Variants in PRKN observed in about 807,000 individuals in gnomAD.
PRKN encodes E3 ubiquitin-protein ligase parkin.
Under a neutral mutation model 59.5 loss-of-function variants are expected in PRKN, and 56 were observed. The observed-to-expected ratio is 0.94, with a 90% CI of 0.76 to 1.18. PRKN has a LOEUF of 1.18. Ranked by LOEUF, PRKN falls within the 50% of genes most tolerant of loss-of-function variation. The pLI, the probability that PRKN is intolerant of heterozygous loss-of-function variation, is 0.00. For missense variants in PRKN, 657 were observed against 596.4 expected (o/e 1.10, Z -1.06); for synonymous variants, 250 against 222.1 (o/e 1.13, Z -1.12).
chr6:161,846,091 G>A (rs1266918060), intron 6 of PRKN, among the ~76,000 whole-genome samples: 2 of 152,142 alleles, frequency 1.3e-5, no homozygotes, highest in African/African-American at 2.4e-5. Flanking sequence ...CTCCAAGGCT[G>A]TTATGCTGAG....
intron 2 of PRKN, among the ~76,000 whole-genome samples, chr6:162,410,030 T>C (rs1011783913): frequency 6.6e-6 from 1 of 152,116 alleles, no homozygotes; most frequent in South Asian, 2.1e-4. Flanking sequence ...GCTAACAAAA[T>C]AACATTATCA....
chr6:162,468,803 C>T (rs1232662721), intron 1 of PRKN, among the ~76,000 whole-genome samples: 5 of 152,166 alleles, frequency 3.3e-5, no homozygotes, highest in African/African-American at 1.2e-4. Flanking sequence ...CAGATCTCTG[C>T]CCTGTACCAT....
At chr6:162,722,751 T>C (rs528847405) in intron 1 of PRKN, among the ~76,000 whole-genome samples, 7 of 152,346 alleles carry the variant, frequency 4.6e-5, no homozygotes, top group African/African-American at 1.7e-4. Context: ...TACAAAGTAC[T>C]TTCATTGTAT....
chr6:162,389,412 T>C (rs1023139159), intron 2 of PRKN, among the ~76,000 whole-genome samples: 1 of 152,176 alleles, frequency 6.6e-6, no homozygotes, highest in South Asian at 2.1e-4. Context: ...TCAGAGCCTC[T>C]GACTGGAAGT....
At position 161,766,558 on chromosome 6, in the gene PRKN, T is replaced by C. The variant is rs117295688; in HGVS notation, c.871+19214A>G. Among the ~76,000 whole-genome samples, 54 of 152,212 alleles carry C rather than the reference T, an allele frequency of 3.5e-4. 1 individual carries two copies. The East Asian group carries it at 9.4e-3, about 27-fold the overall frequency. On this transcript the variant is annotated intron_variant, in intron 7 of 11. Transcript: ENST00000366898. ...TTCTTGACCTTGTGATCCTCCCACCTTTTTTGTTGTAAAATAATCCTTGAT... is the reference window on the plus strand; with the variant it reads ...TTCTTGACCTTGTGATCCTCCCACCCTTTTTGTTGTAAAATAATCCTTGAT...
chr6:162,427,139 T>A (rs1789274422), intron 2 of PRKN, among the ~76,000 whole-genome samples: 1 of 152,182 alleles, frequency 6.6e-6, no homozygotes, highest in Non-Finnish European at 1.5e-5. Context: ...AAGTTAAATC[T>A]ACAATGACAG....
At chr6:161,508,286 T>G (rs1167948125) in intron 9 of PRKN, among the ~76,000 whole-genome samples, 2 of 152,216 alleles carry the variant, frequency 1.3e-5, no homozygotes, top group Non-Finnish European at 2.9e-5. Flanking sequence ...CAAGACCTTC[T>G]ATAAATCTGT....
chr6:161,682,105 G>A (rs1244477683), intron 7 of PRKN, among the ~76,000 whole-genome samples: 1 of 152,212 alleles, frequency 6.6e-6, no homozygotes, highest in Non-Finnish European at 1.5e-5. Flanking sequence ...CACGCACTGG[G>A]CTCAGCTCCC....
chr6:161,705,190 A>C (rs1052635256), intron 7 of PRKN, among the ~76,000 whole-genome samples: 4 of 152,210 alleles, frequency 2.6e-5, no homozygotes, highest in Non-Finnish European at 5.9e-5. Flanking sequence ...ATTACCTCCC[A>C]ATAAGCCCAT....
rs963969345 is a variant in PRKN at position 161,588,553 on chromosome 6, A to G, written c.872-19137T>C. On this transcript the variant is annotated intron_variant, in intron 7 of 11. Transcript: ENST00000366898. The surrounding 1 kb of genome is among the most constrained non-coding windows in gnomAD (Gnocchi z 5.0). Reference sequence around the variant, plus strand: ...TTTTTAATGAAGGGAAGACTGGAAAAGGGAAAGTGATGGCAATAAAAGTAA... The same window carrying G: ...TTTTTAATGAAGGGAAGACTGGAAAGGGGAAAGTGATGGCAATAAAAGTAA... Among the ~76,000 whole-genome samples the G allele has an allele frequency of 6.6e-6, 1 of 151,930 alleles. No homozygotes were observed. Among genetic ancestry groups the G allele is most frequent in the Non-Finnish European group, 1.5e-5 (1 of 67,986 alleles).
chr6:161,642,215 T>C (rs1783769995), intron 7 of PRKN, among the ~76,000 whole-genome samples: 1 of 152,224 alleles, frequency 6.6e-6, no homozygotes, highest in Admixed American at 6.5e-5. Flanking sequence ...TATTTCCATC[T>C]ATCAGGGAAT....
chr6:161,636,928 G>A (rs1015407119), intron 7 of PRKN, among the ~76,000 whole-genome samples: 2 of 152,098 alleles, frequency 1.3e-5, no homozygotes, highest in Admixed American at 6.5e-5. Flanking sequence ...GTCTGTTCAT[G>A]TTCATTTTAG....
chr6:161,628,709 C>T (rs1030010416), intron 7 of PRKN, among the ~76,000 whole-genome samples: 12 of 152,160 alleles, frequency 7.9e-5, no homozygotes, highest in African/African-American at 2.7e-4. Flanking sequence ...TCCAGAGCTG[C>T]GCCAGCTCTT....
intron 8 of PRKN, among the ~76,000 whole-genome samples, chr6:161,557,145 T>C (rs1404162368): frequency 1.3e-5 from 2 of 152,200 alleles, no homozygotes; most frequent in East Asian, 3.8e-4. Context: ...AAAAATACAT[T>C]TCATTAGTAT....
At chr6:162,019,101 C>T (rs1331454157) in intron 5 of PRKN, among the ~76,000 whole-genome samples, 1 of 152,166 alleles carries the variant, frequency 6.6e-6, no homozygotes, top group Non-Finnish European at 1.5e-5. Context: ...AAGGTATTTT[C>T]TTTCTACTAT....
chr6:161,556,489 C>A (rs1000837729), intron 8 of PRKN, among the ~76,000 whole-genome samples: 1 of 152,132 alleles, frequency 6.6e-6, no homozygotes. Context: ...TACTAAGTTA[C>A]CTTCGAGATA....
chr6:162,132,880 C>A lies in PRKN; in HGVS notation c.534+68251G>T, dbSNP rs145753886. 5.0e-3 allele frequency among the ~76,000 whole-genome samples: 755 copies of A among 152,254 alleles called. 8 individuals carry two copies. The highest frequency in any genetic ancestry group is 0.017 in the African/African-American group (716 of 41,552). On this transcript the variant is annotated intron_variant, in intron 4 of 11. Transcript: ENST00000366898. Reference sequence around the variant, plus strand: ...TAGAGCTGAGATTTAAAGGAATGAACGCCTTCCAGGCAGAAAGAACAGAAT... The same window carrying A: ...TAGAGCTGAGATTTAAAGGAATGAAAGCCTTCCAGGCAGAAAGAACAGAAT...
chr6:161,921,377 T>G (rs183271216), intron 6 of PRKN, among the ~76,000 whole-genome samples: 30 of 152,250 alleles, frequency 2.0e-4, no homozygotes, highest in African/African-American at 7.2e-4. Flanking sequence ...GTTAACTTAT[T>G]TATAAGTAGG....
intron 6 of PRKN, among the ~76,000 whole-genome samples, chr6:161,937,270 A>G (rs1221053732): frequency 6.6e-6 from 1 of 152,142 alleles, no homozygotes; most frequent in Non-Finnish European, 1.5e-5. Context: ...ATAAAGTTAC[A>G]TTTTTCATCT....
Sources: allele counts gnomAD v4.1 joint callset (sites outside exome capture counted in the v4.1 genomes callset), GRCh38; gene constraint gnomAD v4.1.1; non-coding constraint Gnocchi (gnomAD v3.1); transcripts MANE v1.5; gene names NCBI Gene and HGNC (gene_info 2026-07-23, HGNC 2026-07-21).